NEGR1: variants seen among roughly 807,000 people sequenced by gnomAD.
NEGR1 encodes the protein neuronal growth regulator 1.
NEGR1 carries 10 observed loss-of-function variants against 40.9 expected under a neutral mutation model. That is an observed-to-expected ratio of 0.24 (90% CI 0.15 to 0.42). The LOEUF (loss-of-function observed/expected upper bound fraction) is 0.42. NEGR1 is among the 10% of genes least tolerant of loss of function. The probability of loss-of-function intolerance (pLI) is 1.00; values close to 1 mark genes in which losing one functional copy is unlikely to be tolerated. For missense variants in NEGR1, 352 were observed against 438.9 expected (o/e 0.80, Z 1.77); for synonymous variants, 185 against 166.8 (o/e 1.11, Z -0.84).
At chr1:71,483,534 G>T (rs1234781246) in intron 6 of NEGR1, among the ~76,000 whole-genome samples, 6 of 151,712 alleles carry the variant, frequency 4.0e-5, no homozygotes, top group Admixed American at 1.3e-4. Context: ...ATGTACATGT[G>T]CATGTATGTG....
chr1:72,268,588 T>C (rs1336600306), intron 1 of NEGR1, among the ~76,000 whole-genome samples: 1 of 151,304 alleles, frequency 6.6e-6, no homozygotes, highest in Non-Finnish European at 1.5e-5. Flanking sequence ...TGAAATTGGG[T>C]GAATGAACTC....
chr1:72,067,959 T>C (rs1405674023), intron 1 of NEGR1, among the ~76,000 whole-genome samples: 1 of 152,138 alleles, frequency 6.6e-6, no homozygotes, highest in African/African-American at 2.4e-5. Context: ...AGTTGTGAAA[T>C]GTATATTGCC....
rs532929772 is a variant in NEGR1 at position 71,963,239 on chromosome 1, T to C, written c.177-27928A>G. ...CCCTTTCTTTTTAAGTACCTGAAGA[T>C]TCATTCACAAATTATTTACAAGAGA... On this transcript the variant is annotated intron_variant, in intron 1 of 6. Coordinates refer to ENST00000357731, the MANE Select transcript of NEGR1 (RefSeq NM_173808.3). 3.9e-5 allele frequency among the ~76,000 whole-genome samples: 6 copies of C among 152,208 alleles called. No individual in the cohort carries two copies. The South Asian group carries it at 1.0e-3, about 26-fold the overall frequency.
At chr1:71,829,292 T>C (rs541369959) in intron 2 of NEGR1, among the ~76,000 whole-genome samples, 1 of 152,090 alleles carries the variant, frequency 6.6e-6, no homozygotes, top group Non-Finnish European at 1.5e-5. Context: ...ATTTAACAGA[T>C]ATTGGTTCCA....
intron 6 of NEGR1, among the ~76,000 whole-genome samples, chr1:71,425,545 A>G (rs963746208): frequency 4.6e-5 from 7 of 152,230 alleles, no homozygotes; most frequent in African/African-American, 1.7e-4. Context: ...GATTACTCCA[A>G]TTTCATGCTG....
intron 3 of NEGR1, among the ~76,000 whole-genome samples, chr1:71,704,637 T>C (rs1653824408): frequency 6.6e-6 from 1 of 151,782 alleles, no homozygotes; most frequent in Non-Finnish European, 1.5e-5. Flanking sequence ...TTGCAAGAAA[T>C]TGACTTTGTA....
In NEGR1 at chr1:71,429,109, C is replaced by T. The variant is rs527751801; in HGVS notation, c.941-21539G>A. On this transcript the variant is annotated intron_variant, in intron 6 of 6. Transcript: ENST00000357731. Reference sequence around the variant, plus strand: ...TGATTAAAAGGTTACATCTTGATAACTTTAGAGTTTTTTTTAATTTTTTTT... The same window carrying T: ...TGATTAAAAGGTTACATCTTGATAATTTTAGAGTTTTTTTTAATTTTTTTT... 5.3e-5 allele frequency among the ~76,000 whole-genome samples: 8 copies of T among 152,126 alleles called. No individual in the cohort carries two copies. In the East Asian group the frequency reaches 1.5e-3, roughly 29 times the overall value.
chr1:71,720,580 TC>T (rs1557626674), intron 3 of NEGR1, among the ~76,000 whole-genome samples: 2 of 152,178 alleles, frequency 1.3e-5, no homozygotes, highest in South Asian at 4.1e-4. Context: ...GGTACTTTTT[TC>T]CCTTAAGGCC....
intron 5 of NEGR1, among the ~76,000 whole-genome samples, chr1:71,595,144 G>A (rs754127574): frequency 1.2e-4 from 18 of 152,268 alleles, no homozygotes; most frequent in South Asian, 2.1e-4. Context: ...ATCATGTAGC[G>A]CATCCATACT....
intron 4 of NEGR1, among the ~76,000 whole-genome samples, chr1:71,669,497 G>C (rs186027542): frequency 1.4e-4 from 21 of 151,780 alleles, no homozygotes; most frequent in Non-Finnish European, 1.9e-4. Flanking sequence ...ACTGTCTTTT[G>C]ATGTTTTTAC....
rs1250002292 is a variant in NEGR1, at chr1:71,793,196, T to A, written c.410-16899A>T. Among the ~76,000 whole-genome samples the A allele has an allele frequency of 7.8e-5, 11 of 141,238 alleles. No homozygotes were observed. In the Admixed American group the frequency reaches 8.4e-4, roughly 11 times the overall value. 92.7% of individuals were successfully genotyped at this position (141,238 alleles called of 152,430 possible). A position where few individuals can be genotyped will look rare whatever the true frequency, so the allele number is the denominator to read the frequency against. ...GATTGGGATGTTCTTTTTTTTTTTT[T>A]TTTAGATGGAATCTTGCTCTGTCGC... On this transcript the variant is annotated intron_variant, in intron 2 of 6. Coordinates refer to ENST00000357731, the MANE Select transcript of NEGR1 (RefSeq NM_173808.3).
At chr1:72,246,645 T>C (rs1223157903) in intron 1 of NEGR1, among the ~76,000 whole-genome samples, 3 of 152,250 alleles carry the variant, frequency 2.0e-5, no homozygotes, top group Admixed American at 6.5e-5. Flanking sequence ...GAGTATCTTA[T>C]TGCAATAAGT....
chr1:71,485,020 A>G (rs1253738408), intron 6 of NEGR1, among the ~76,000 whole-genome samples: 2 of 151,688 alleles, frequency 1.3e-5, no homozygotes, highest in Non-Finnish European at 3.0e-5. Flanking sequence ...TTTGGCTAAT[A>G]AAAACATCTA....
At chr1:71,986,998 T>TAA (rs1646400662) in intron 1 of NEGR1, among the ~76,000 whole-genome samples, 1 of 152,174 alleles carries the variant, frequency 6.6e-6, no homozygotes, top group Admixed American at 6.5e-5. Flanking sequence ...GCAGAAACAG[T>TAA]TAACTCAAAA....
At position 71,486,698 on chromosome 1, in the gene NEGR1, A is replaced by T. The variant is rs1198196021; in HGVS notation, c.941-79128T>A. 2.6e-5 allele frequency: 4 copies of T among 151,636 alleles called. No individual in the cohort carries two copies. In the East Asian group the frequency reaches 7.8e-4, roughly 30 times the overall value. 9.4% of individuals were successfully genotyped at this position (151,636 alleles called of 1,614,324 possible). A position where few individuals can be genotyped will look rare whatever the true frequency, so the allele number is the denominator to read the frequency against. ...CCTAAACAGATACATCAGCCATTTTATGCTCCTAAATGCAAGCCAGGAAAG... is the reference window on the plus strand; with the variant it reads ...CCTAAACAGATACATCAGCCATTTTTTGCTCCTAAATGCAAGCCAGGAAAG... On this transcript the variant is annotated intron_variant, in intron 6 of 6. Coordinates refer to ENST00000357731, the MANE Select transcript of NEGR1 (RefSeq NM_173808.3).
chr1:71,866,525 A>G (rs542215217), intron 2 of NEGR1, among the ~76,000 whole-genome samples: 4 of 152,194 alleles, frequency 2.6e-5, no homozygotes, highest in Non-Finnish European at 5.9e-5. Context: ...TAATGACGTA[A>G]ATATCTGACC....
chr1:71,942,461 A>ATATC lies in NEGR1; in HGVS notation c.177-7151_177-7150insGATA, dbSNP rs1263426646. 3.0e-3 allele frequency among the ~76,000 whole-genome samples: 21 copies of ATATC among 6,984 alleles called. 2 individuals are homozygous for ATATC. The highest frequency in any genetic ancestry group is 7.2e-3 in the Admixed American group (4 of 552). The allele number at this position is 6,984 out of a possible 152,430, so 4.6% of individuals were successfully genotyped here. On this transcript the variant is annotated intron_variant, in intron 1 of 6. Transcript: ENST00000357731. The stretch of plus-strand genomic sequence containing the variant: ...AACTTAAAATTCTTTAAATCTATAT[A>ATATC]TATATATATATATATATATATATTT...
chr1:72,138,941 T>C (rs528159348), intron 1 of NEGR1, among the ~76,000 whole-genome samples: 3 of 152,094 alleles, frequency 2.0e-5, no homozygotes, highest in African/African-American at 7.2e-5. Context: ...AGATACACCA[T>C]ATTCTGGGTC....
chr1:72,015,613 T>C (rs949014596), intron 1 of NEGR1, among the ~76,000 whole-genome samples: 1 of 152,166 alleles, frequency 6.6e-6, no homozygotes, highest in Admixed American at 6.6e-5. Context: ...GAGGCTGTAC[T>C]GAGCTGTGTT....
Sources: allele counts gnomAD v4.1 joint callset (sites outside exome capture counted in the v4.1 genomes callset), GRCh38; gene constraint gnomAD v4.1.1; transcripts MANE v1.5; gene names NCBI Gene and HGNC (gene_info 2026-07-23, HGNC 2026-07-21).